Variants in ZBTB7C observed in about 807,000 individuals in gnomAD.
The protein encoded by ZBTB7C is zinc finger and BTB domain-containing protein 7C.
In ZBTB7C, 8 loss-of-function variants were observed where a neutral mutation model predicts 25.7. The ratio of observed to expected loss-of-function variants is 0.31; its 90% CI spans 0.18 to 0.56. The LOEUF is 0.56. Ranked by LOEUF, ZBTB7C falls within the 20% of genes least tolerant of loss-of-function variation. The pLI, the probability that ZBTB7C is intolerant of heterozygous loss-of-function variation, is 0.91. For synonymous variants in ZBTB7C, 394 were observed against 369.0 expected, an observed-to-expected ratio of 1.07 and a Z score of -0.78; for missense variants, 824 against 855.2, an observed-to-expected ratio of 0.96 and a Z score of 0.46.
intron 2 of ZBTB7C, among the ~76,000 whole-genome samples, chr18:48,226,307 C>T (rs1469954788): frequency 6.6e-6 from 1 of 152,236 alleles, no homozygotes; most frequent in Non-Finnish European, 1.5e-5. Flanking sequence ...TAAGCTGTCT[C>T]ATGCTGGCAT....
At chr18:48,050,184 T>C (rs191560309) in intron 3 of ZBTB7C, among the ~76,000 whole-genome samples, 1 of 152,186 alleles carries the variant, frequency 6.6e-6, no homozygotes, top group East Asian at 1.9e-4. Flanking sequence ...TAGGGCAGGA[T>C]AAAGGGTGGG....
intron 3 of ZBTB7C, among the ~76,000 whole-genome samples, chr18:48,156,544 G>T (rs1342816961): frequency 6.6e-6 from 1 of 152,176 alleles, no homozygotes; most frequent in East Asian, 1.9e-4. Flanking sequence ...CTGTGTCCTT[G>T]CCATGTATAA....
At chr18:48,347,124 GTTTTTTTTTTTTT>G (rs1158209713) in intron 1 of ZBTB7C, among the ~76,000 whole-genome samples, 1 of 80,508 alleles carries the variant, frequency 1.2e-5, no homozygotes, top group African/African-American at 5.4e-5. Flanking sequence ...GTTTTTGTTT[GTTTTTTTTTTTTT>G]TTTTTTTTTT....
intron 2 of ZBTB7C, among the ~76,000 whole-genome samples, chr18:48,191,663 C>T (rs547844257): frequency 2.0e-5 from 3 of 152,300 alleles, no homozygotes; most frequent in South Asian, 2.1e-4. Context: ...GGGAGCCCAG[C>T]GCTTGGTGAG....
chr18:48,039,496 C>A (rs763728019), intron 4 of ZBTB7C, among the ~76,000 whole-genome samples: 1 of 152,210 alleles, frequency 6.6e-6, no homozygotes, highest in Non-Finnish European at 1.5e-5. Flanking sequence ...TAATAAAGGT[C>A]AGTGGCTGCT....
In ZBTB7C at chr18:48,105,609, T is replaced by A. The variant is rs532690115; in HGVS notation, c.-16-64486A>T. Among the ~76,000 whole-genome samples, 3 of 152,222 alleles carry A rather than the reference T, an allele frequency of 2.0e-5. No individual in the cohort carries two copies. The East Asian group carries it at 5.8e-4, about 29-fold the overall frequency. The stretch of plus-strand genomic sequence containing the variant: ...GGAGTGAGGGGCATGGCATTGCCTC[T>A]GGTGATCTCAGAGGTTTCTTCTAGT... On this transcript the variant is annotated intron_variant, in intron 3 of 4. Coordinates refer to ENST00000590800, the MANE Select transcript of ZBTB7C (RefSeq NM_001318841.2).
chr18:48,263,087 G>A (rs903805604), intron 2 of ZBTB7C, among the ~76,000 whole-genome samples: 1 of 152,186 alleles, frequency 6.6e-6, no homozygotes, highest in Non-Finnish European at 1.5e-5. Flanking sequence ...GGAACCATGT[G>A]CTCCAGCCTG....
chr18:48,106,339 T>A (rs2039024895), intron 3 of ZBTB7C, among the ~76,000 whole-genome samples: 4 of 131,594 alleles, frequency 3.0e-5, no homozygotes. Context: ...TTTCCAAAAG[T>A]GGCAAGAAAA....
intron 2 of ZBTB7C, among the ~76,000 whole-genome samples, chr18:48,269,396 G>A (rs1418474240): frequency 6.6e-5 from 10 of 152,060 alleles, no homozygotes; most frequent in South Asian, 6.2e-4. Flanking sequence ...CCTAATCACC[G>A]TCCAAAAGCC....
At chr18:48,349,845 C>G (rs2046824659) in intron 1 of ZBTB7C, among the ~76,000 whole-genome samples, 1 of 152,158 alleles carries the variant, frequency 6.6e-6, no homozygotes, top group African/African-American at 2.4e-5. Context: ...GGGAGAGAGA[C>G]TGCAAAACTC....
At chr18:48,264,371 A>G (rs2044252646) in intron 2 of ZBTB7C, among the ~76,000 whole-genome samples, 1 of 150,050 alleles carries the variant, frequency 6.7e-6, no homozygotes, top group Non-Finnish European at 1.5e-5. Flanking sequence ...CACTCGCCGC[A>G]TGTCACTCCC....
intron 1 of ZBTB7C, among the ~76,000 whole-genome samples, chr18:48,339,973 C>T (rs1032375873): frequency 5.3e-4 from 81 of 152,196 alleles, no homozygotes; most frequent in Non-Finnish European, 1.1e-3. Context: ...CTCTGCAAAG[C>T]AACAGAGGTT....
In ZBTB7C at chr18:48,029,107, C is replaced by G. The variant is rs1180944264; in HGVS notation, c.*153G>C. 1.7e-6 allele frequency: 2 copies of G among 1,159,684 alleles called. No individual in the cohort carries two copies. The highest frequency in any genetic ancestry group is 2.3e-6 in the Non-Finnish European group (2 of 870,854). The allele number at this position is 1,159,684 out of a possible 1,614,324, so 71.8% of individuals were successfully genotyped here. A position where few individuals can be genotyped will look rare whatever the true frequency, so the allele number is the denominator to read the frequency against. On this transcript the variant is annotated 3_prime_UTR_variant, in exon 5 of 5. Coordinates refer to ENST00000590800, the MANE Select transcript of ZBTB7C (RefSeq NM_001318841.2). ...AAAGGAGGCAGCTGCTTTAGGAGCC[C>G]GGGAAAATGCCATCACTGATAGTAT...
chr18:48,386,942 C>T (rs1434027730), intron 1 of ZBTB7C, among the ~76,000 whole-genome samples: 1 of 152,230 alleles, frequency 6.6e-6, no homozygotes, highest in East Asian at 1.9e-4. Context: ...TCTGTTGTCG[C>T]TCTGCTTTCT....
intron 3 of ZBTB7C, among the ~76,000 whole-genome samples, chr18:48,184,793 C>T (rs1383952095): frequency 6.7e-6 from 1 of 149,872 alleles, no homozygotes; most frequent in Non-Finnish European, 1.5e-5. Context: ...CTCTGGTGGC[C>T]CTTGGCTGCA....
At chr18:48,327,343 T>G (rs1448316831) in intron 2 of ZBTB7C, among the ~76,000 whole-genome samples, 1 of 152,152 alleles carries the variant, frequency 6.6e-6, no homozygotes, top group Non-Finnish European at 1.5e-5. Flanking sequence ...CTAAGCGCAG[T>G]GTTCAAATTC....
chr18:48,300,553 A>G (rs1256228514), intron 2 of ZBTB7C, among the ~76,000 whole-genome samples: 1 of 152,120 alleles, frequency 6.6e-6, no homozygotes. Context: ...TACTCTTGCT[A>G]CAGATACCAA....
intron 4 of ZBTB7C, among the ~76,000 whole-genome samples, chr18:48,034,669 C>A (rs531441543): frequency 1.3e-5 from 2 of 152,308 alleles, no homozygotes; most frequent in Non-Finnish European, 2.9e-5. Context: ...TGGTGACTGA[C>A]TAGTGGTGCC....
intron 3 of ZBTB7C, among the ~76,000 whole-genome samples, chr18:48,176,800 A>G (rs1362194998): frequency 6.6e-6 from 1 of 152,258 alleles, no homozygotes; most frequent in Admixed American, 6.5e-5. Context: ...GTATGTTCCA[A>G]TATTTGAAAG....
Sources: allele counts gnomAD v4.1 joint callset (sites outside exome capture counted in the v4.1 genomes callset), GRCh38; gene constraint gnomAD v4.1.1; transcripts MANE v1.5; gene names NCBI Gene and HGNC (gene_info 2026-07-23, HGNC 2026-07-21).